PTPRM: variants seen among roughly 807,000 people sequenced by gnomAD.
PTPRM encodes the protein protein tyrosine phosphatase receptor type M, also known as receptor-type tyrosine-protein phosphatase mu.
Under a neutral mutation model 186.7 loss-of-function variants are expected in PTPRM, and 47 were observed. The observed-to-expected ratio is 0.25, with a 90% confidence interval of 0.20 to 0.32. PTPRM has a LOEUF of 0.32. Ranked by LOEUF, PTPRM falls within the 10% of genes least tolerant of loss-of-function variation. The pLI is 1.00. For synonymous variants in PTPRM, 668 were observed against 674.9 expected, an observed-to-expected ratio of 0.99 and a Z score of 0.16; for missense variants, 1,494 against 1,865.0, an observed-to-expected ratio of 0.80 and a Z score of 3.66.
chr18:7,667,471 G>T (rs2039122229), intron 1 of PTPRM, among the ~76,000 whole-genome samples: 1 of 152,146 alleles, frequency 6.6e-6, no homozygotes. Flanking sequence ...TATTTTAACA[G>T]GCATTCTAGT....
At chr18:8,062,227 C>T (rs1345844085) in intron 7 of PTPRM, among the ~76,000 whole-genome samples, 1,142 of 63,642 alleles carry the variant, frequency 0.018, 389 homozygotes, top group African/African-American at 0.082. Context: ...ATTGCTGATA[C>T]CCTTTCTTCC....
chr18:8,041,319 G>C (rs563135153), intron 7 of PTPRM, among the ~76,000 whole-genome samples: 101 of 152,002 alleles, frequency 6.6e-4, no homozygotes, highest in Non-Finnish European at 1.0e-3. Context: ...GGATTAAATA[G>C]TGCCGTGAAA....
chr18:8,160,417 G>A (rs1276736393), intron 14 of PTPRM, among the ~76,000 whole-genome samples: 1 of 152,070 alleles, frequency 6.6e-6, no homozygotes, highest in Non-Finnish European at 1.5e-5. Context: ...AAGTAGCTAG[G>A]ACTGCAGACA....
At chr18:7,888,909 C>T (rs1197571083) in intron 3 of PTPRM, among the ~76,000 whole-genome samples, 1 of 152,108 alleles carries the variant, frequency 6.6e-6, no homozygotes, top group Non-Finnish European at 1.5e-5. Flanking sequence ...TAAGTAGGAG[C>T]TAAGCACTGG....
At chr18:8,090,815 G>C (rs1600507018) in intron 11 of PTPRM, among the ~76,000 whole-genome samples, 1 of 152,230 alleles carries the variant, frequency 6.6e-6, no homozygotes, top group Non-Finnish European at 1.5e-5. Flanking sequence ...GGCTCGTCTT[G>C]AACTCCTGAC....
At chr18:8,191,124 G>T (rs550682893) in intron 14 of PTPRM, among the ~76,000 whole-genome samples, 7 of 152,324 alleles carry the variant, frequency 4.6e-5, no homozygotes, top group African/African-American at 1.7e-4. Flanking sequence ...CCTTAAGTTG[G>T]CAGGGTTGGT....
chr18:7,589,428 C>T (rs977411075), intron 1 of PTPRM, among the ~76,000 whole-genome samples: 3 of 152,140 alleles, frequency 2.0e-5, no homozygotes, highest in Admixed American at 6.5e-5. Flanking sequence ...TCCATAGCCA[C>T]GGAGTGTGGC....
chr18:8,348,074 A>G (rs995535629), intron 23 of PTPRM, among the ~76,000 whole-genome samples: 3 of 152,260 alleles, frequency 2.0e-5, no homozygotes, highest in African/African-American at 7.2e-5. Flanking sequence ...TTTTTAGCTT[A>G]AAAACAACAA....
intron 2 of PTPRM, among the ~76,000 whole-genome samples, chr18:7,883,720 G>A (rs1271518903): frequency 6.6e-6 from 1 of 152,152 alleles, no homozygotes; most frequent in South Asian, 2.1e-4. Flanking sequence ...TTGAGTTGAA[G>A]GTTTTGTGTT....
chr18:7,998,998 T>A (rs536463719), intron 7 of PTPRM, among the ~76,000 whole-genome samples: 2 of 152,340 alleles, frequency 1.3e-5, no homozygotes, highest in South Asian at 4.1e-4. Flanking sequence ...TATTGTATAC[T>A]TTATGAATTT....
chr18:7,724,604 GTTA>G lies in PTPRM; in HGVS notation c.74-49539_74-49537del, dbSNP rs1231169484. Among the ~76,000 whole-genome samples the G allele has an allele frequency of 2.0e-5, 3 of 152,136 alleles. No homozygotes were observed. In the East Asian group the frequency reaches 5.8e-4, roughly 29 times the overall value. On this transcript the variant is annotated intron_variant, in intron 1 of 32. Transcript: ENST00000580170. Reference sequence around the variant, plus strand: ...TTTTTCAGAATCTAGCTGTGAACCTGTTATTATTGTTTTAACCCCAATATGGGT... The same window carrying G: ...TTTTTCAGAATCTAGCTGTGAACCTGTTATTGTTTTAACCCCAATATGGGT...
At chr18:8,035,348 C>A (rs1446989048) in intron 7 of PTPRM, among the ~76,000 whole-genome samples, 1 of 152,052 alleles carries the variant, frequency 6.6e-6, no homozygotes, top group Non-Finnish European at 1.5e-5. Flanking sequence ...AAAATATAAT[C>A]ATCCCTCAGT....
At chr18:8,362,139 T>C (rs2095600580) in intron 23 of PTPRM, among the ~76,000 whole-genome samples, 1 of 152,128 alleles carries the variant, frequency 6.6e-6, no homozygotes, top group South Asian at 2.1e-4. Flanking sequence ...CCGCTGGTGA[T>C]GGGGTTGCCA....
chr18:7,947,544 C>T (rs1036823102), intron 5 of PTPRM, among the ~76,000 whole-genome samples: 1 of 152,122 alleles, frequency 6.6e-6, no homozygotes. Flanking sequence ...TTTAATATAG[C>T]CTGCAAGTCC....
intron 2 of PTPRM, among the ~76,000 whole-genome samples, chr18:7,838,926 G>C (rs376618693): frequency 6.6e-6 from 1 of 152,150 alleles, no homozygotes; most frequent in Non-Finnish European, 1.5e-5. Context: ...AAAGGCAGAG[G>C]TGCCTCATTC....
chr18:7,709,667 AC>A (rs1257037833), intron 1 of PTPRM, among the ~76,000 whole-genome samples: 1 of 152,180 alleles, frequency 6.6e-6, no homozygotes, highest in East Asian at 1.9e-4. Flanking sequence ...AGCGAGATTA[AC>A]CAAGAAAAGA....
chr18:8,320,184 A>G (rs1300205219), intron 22 of PTPRM, among the ~76,000 whole-genome samples: 1 of 152,196 alleles, frequency 6.6e-6, no homozygotes. Context: ...AAAGGATGTG[A>G]TCTGCCAAAG....
At chr18:7,757,136 A>T (rs1211995815) in intron 1 of PTPRM, among the ~76,000 whole-genome samples, 1 of 152,134 alleles carries the variant, frequency 6.6e-6, no homozygotes, top group Non-Finnish European at 1.5e-5. Context: ...CTACACCTTA[A>T]ATGCCTTCTC....
intron 1 of PTPRM, chr18:7,751,190 A>G (rs536161013): frequency 6.6e-6 from 1 of 152,264 alleles, no homozygotes; most frequent in East Asian, 1.9e-4. Flanking sequence ...TGACCCCAGG[A>G]ATGCCTGTGC....
Sources: gnomAD v4.1 joint callset for allele counts (sites outside exome capture counted in the v4.1 genomes callset) on GRCh38, gnomAD v4.1.1 for gene constraint, MANE v1.5 for transcripts, NCBI Gene and HGNC (gene_info 2026-07-23, HGNC 2026-07-21) for gene names.